The following DRD3 variants were observed in gnomAD, a reference collection of about 807,000 sequenced individuals.
The protein encoded by DRD3 is dopamine receptor D3.
A neutral mutation model predicts 36.3 loss-of-function variants in DRD3; 19 were observed. That is an observed-to-expected ratio of 0.52 (90% confidence interval 0.36 to 0.77). The LOEUF is 0.77. Ranked by LOEUF, DRD3 falls within the 30% of genes least tolerant of loss-of-function variation. The pLI is 0.00. For missense variants in DRD3, 465 were observed against 505.3 expected, an observed-to-expected ratio of 0.92 and a Z score of 0.77; for synonymous variants, 195 against 203.7, an observed-to-expected ratio of 0.96 and a Z score of 0.36.
rs200777382 is a variant in DRD3 at position 114,139,714 on chromosome 3, G to A, written c.527-18C>T. 1.2e-6 allele frequency: 2 copies of A among 1,612,014 alleles called. No homozygotes were observed. Among genetic ancestry groups the A allele is most frequent in the South Asian group, 2.2e-5 (2 of 90,836 alleles). On this transcript the variant is annotated intron_variant, in intron 4 of 6. Coordinates refer to ENST00000383673, the MANE Select transcript of DRD3 (RefSeq NM_000796.6). ...GGGGTCCCCTGTGGATGAGAAGGGG[G>A]AAGGTAAAGCAGTTAGCAAGTATCA...
chr3:114,173,614 TC>T (rs2077867974), intron 1 of DRD3, among the ~76,000 whole-genome samples: 1 of 152,094 alleles, frequency 6.6e-6, no homozygotes, highest in South Asian at 2.1e-4. Flanking sequence ...GAGGCCAGGG[TC>T]CCTGAAGCAG....
intron 3 of DRD3, among the ~76,000 whole-genome samples, chr3:114,148,683 G>A (rs1392488593): frequency 1.3e-5 from 2 of 151,968 alleles, no homozygotes; most frequent in Non-Finnish European, 2.9e-5. Flanking sequence ...GACTCTCCCT[G>A]GACCCTTTCA....
Position 114,163,580 on chromosome 3 carries a change from C to T in DRD3, c.271-3713G>A, listed in dbSNP as rs1313537422. Among the ~76,000 whole-genome samples the T allele has an allele frequency of 2.0e-5, 3 of 152,170 alleles. No individual in the cohort carries two copies. In the East Asian group the frequency reaches 5.8e-4, roughly 29 times the overall value. On this transcript the variant is annotated intron_variant, in intron 2 of 6. Transcript: ENST00000383673. ...CCTCTCAAAGTATAGTGGCTTGCCT[C>T]TTCAGAGATGTGTACAATTTAACTC...
intron 3 of DRD3, among the ~76,000 whole-genome samples, chr3:114,158,604 T>C (rs2107864450): frequency 6.6e-6 from 1 of 152,220 alleles, no homozygotes; most frequent in Non-Finnish European, 1.5e-5. Context: ...GAACAAAGAG[T>C]ATTCAGCTGA....
intron 6 of DRD3, among the ~76,000 whole-genome samples, chr3:114,129,377 C>T (rs2077407038): frequency 6.6e-6 from 1 of 152,066 alleles, no homozygotes; most frequent in Non-Finnish European, 1.5e-5. Context: ...AAACCCAACC[C>T]TATGAAATAG....
intron 1 of DRD3, among the ~76,000 whole-genome samples, chr3:114,196,885 A>G (rs1248652267): frequency 2.6e-5 from 4 of 151,832 alleles, no homozygotes; most frequent in African/African-American, 9.7e-5. Context: ...CAAGTCTTTT[A>G]TCTAATATAT....
rs1373129050 is a variant in DRD3 at position 114,131,399 on chromosome 3, G to T, written c.725C>A (p.Thr242Asn). The T allele has an allele frequency of 7.5e-6, 12 of 1,610,014 alleles. No homozygotes were observed. The highest frequency in any genetic ancestry group is 9.3e-6 in the Non-Finnish European group (11 of 1,176,980). The change falls in exon 6 of 7, where the codon ACC becomes AAC. Residue 242 changes from threonine (T) to asparagine (N), a missense_variant and splice_region_variant. Coordinates refer to ENST00000383673, the MANE Select transcript of DRD3 (RefSeq NM_000796.6). ...NSVRPGFPQQ[T>N]LSPDPAHLEL... ...CAGATGTGCCGGGTCAGGAGAGAGG[G>T]TCTGCAGGTGTGACAAGAGGGAATC...
intron 4 of DRD3, among the ~76,000 whole-genome samples, chr3:114,142,845 T>C (rs1163661237): frequency 6.6e-6 from 1 of 152,242 alleles, no homozygotes; most frequent in Non-Finnish European, 1.5e-5. Flanking sequence ...CTTCCTCCCC[T>C]ATCTAAGCAA....
chr3:114,190,466 T>A (rs60816220), intron 1 of DRD3, among the ~76,000 whole-genome samples: 229 of 9,426 alleles, frequency 0.024, 1 homozygote, highest in Non-Finnish European at 0.033. Flanking sequence ...ATATATATTT[T>A]TTTTTTTTTT....
intron 1 of DRD3, among the ~76,000 whole-genome samples, chr3:114,198,583 A>G (rs1365131471): frequency 6.6e-6 from 1 of 151,896 alleles, no homozygotes; most frequent in East Asian, 1.9e-4. Flanking sequence ...GATTTTATAC[A>G]TAGATTACCA....
chr3:114,154,445 G>T (rs930814545), intron 3 of DRD3, among the ~76,000 whole-genome samples: 1 of 152,078 alleles, frequency 6.6e-6, no homozygotes, highest in Non-Finnish European at 1.5e-5. Context: ...CTAACTCCCC[G>T]CCTGGGTTTA....
chr3:114,132,831 G>A (rs2077442757), intron 5 of DRD3, among the ~76,000 whole-genome samples: 1 of 152,178 alleles, frequency 6.6e-6, no homozygotes, highest in African/African-American at 2.4e-5. Flanking sequence ...TGCAAAATAT[G>A]TGCCTTATTT....
intron 5 of DRD3, among the ~76,000 whole-genome samples, chr3:114,132,966 G>A (rs1020742715): frequency 1.3e-5 from 2 of 151,512 alleles, no homozygotes; most frequent in Non-Finnish European, 2.9e-5. Flanking sequence ...TGGTATTGTG[G>A]TTATGTGTCT....
At chr3:114,191,180 G>T (rs1376459539) in intron 1 of DRD3, among the ~76,000 whole-genome samples, 1 of 152,232 alleles carries the variant, frequency 6.6e-6, no homozygotes, top group African/African-American at 2.4e-5. Context: ...CTGGTACAGG[G>T]AGGTGGAGAA....
intron 3 of DRD3, among the ~76,000 whole-genome samples, chr3:114,148,261 C>T (rs972539940): frequency 2.0e-5 from 3 of 152,106 alleles, no homozygotes; most frequent in Non-Finnish European, 4.4e-5. Context: ...GTGCCTTTAC[C>T]GTCTCCTGCA....
intron 2 of DRD3, among the ~76,000 whole-genome samples, chr3:114,161,342 T>A (rs1234343395): frequency 3.9e-5 from 6 of 152,232 alleles, no homozygotes; most frequent in Non-Finnish European, 8.8e-5. Flanking sequence ...TATTCCTTCA[T>A]CTGGATTTTC....
intron 2 of DRD3, among the ~76,000 whole-genome samples, chr3:114,164,795 C>T (rs914522867): frequency 2.6e-5 from 4 of 152,122 alleles, no homozygotes; most frequent in South Asian, 4.2e-4. Context: ...CGCTGTCGCC[C>T]GGCTGGAGTG....
upstream of DRD3, among the ~76,000 whole-genome samples, chr3:114,181,307 C>T (rs150878130): frequency 1.1e-3 from 174 of 152,306 alleles, 5 homozygotes; most frequent in South Asian, 0.022. Flanking sequence ...CTCTGGTAGA[C>T]TCCTTGACCC....
At position 114,192,505 on chromosome 3, in the gene DRD3, A is replaced by AT. The variant is rs767376760; in HGVS notation, c.-156+6767dup. Among the ~76,000 whole-genome samples the AT allele has an allele frequency of 1.9e-4, 29 of 152,114 alleles. 1 individual carries two copies. The highest frequency in any genetic ancestry group is 6.8e-3 in the Middle Eastern group (2 of 294). On this transcript the variant is annotated intron_variant, in intron 1 of 7. Transcript: ENST00000460779. ...TGAAGTAGGTCATACATTTTGATAC[A>AT]TTTTTTCTCTGTGCTCCTCCAAATC...
Sources: allele counts gnomAD v4.1 joint callset (sites outside exome capture counted in the v4.1 genomes callset), GRCh38; gene constraint gnomAD v4.1.1; transcripts MANE v1.5; gene names NCBI Gene and HGNC (gene_info 2026-07-23, HGNC 2026-07-21).